Variants in IL22RA2 observed in about 807,000 individuals in gnomAD.
IL22RA2 encodes interleukin-22 receptor subunit alpha-2.
Under a neutral mutation model 30.7 loss-of-function variants are expected in IL22RA2, and 39 were observed. The ratio of observed to expected loss-of-function variants is 1.27; its 90% confidence interval spans 0.98 to 1.66. IL22RA2 has a LOEUF of 1.66. Among genes scored for constraint, IL22RA2 ranks in the 40% most tolerant of loss-of-function variants. The pLI, the probability that IL22RA2 is intolerant of heterozygous loss-of-function variation, is 0.00. For missense variants in IL22RA2, 315 were observed against 312.7 expected, an observed-to-expected ratio of 1.01 and a Z score of -0.05; for synonymous variants, 103 against 105.0, an observed-to-expected ratio of 0.98 and a Z score of 0.11.
Position 137,163,857 on chromosome 6 carries a change from G to A in IL22RA2, c.-65-2043C>T, listed in dbSNP as rs28385690. On this transcript the variant is annotated intron_variant, in intron 1 of 6. Coordinates refer to ENST00000296980, the MANE Select transcript of IL22RA2 (RefSeq NM_052962.3). ...AGATGGTCTCGGGAGAGACCAAGGCGGGGTTGATGTGGGGAGGCACAGATC... is the reference window on the plus strand; with the variant it reads ...AGATGGTCTCGGGAGAGACCAAGGCAGGGTTGATGTGGGGAGGCACAGATC... Among the ~76,000 whole-genome samples, 200 of 152,296 alleles carry A rather than the reference G, an allele frequency of 1.3e-3. 1 individual carries two copies. Among genetic ancestry groups the A allele is most frequent in the Middle Eastern group, 6.8e-3 (2 of 294 alleles).
intron 1 of IL22RA2, among the ~76,000 whole-genome samples, chr6:137,163,931 C>T (rs1169102446): frequency 6.6e-6 from 1 of 152,096 alleles, no homozygotes; most frequent in Non-Finnish European, 1.5e-5. Flanking sequence ...AAAACCAGAC[C>T]TAGGACACTG....
At chr6:137,146,907 G>C (rs2114345675) in intron 6 of IL22RA2, among the ~76,000 whole-genome samples, 1 of 152,074 alleles carries the variant, frequency 6.6e-6, no homozygotes, top group South Asian at 2.1e-4. Context: ...GAGGTGGGAG[G>C]ATCATTTGAG....
chr6:137,171,354 A>C lies in IL22RA2; in HGVS notation c.-66+2059T>G, dbSNP rs1778730884. The stretch of plus-strand genomic sequence containing the variant: ...TCTTCTCCTTCTTAAATGGGAGATG[A>C]AAAGTTTCAGAAGCCGGCTTGCAAA... On this transcript the variant is annotated intron_variant, in intron 1 of 6. Coordinates refer to ENST00000296980, the MANE Select transcript of IL22RA2 (RefSeq NM_052962.3). Among the ~76,000 whole-genome samples, 3 of 152,348 alleles carry C rather than the reference A, an allele frequency of 2.0e-5. No individual in the cohort carries two copies. The South Asian group carries it at 6.2e-4, about 32-fold the overall frequency.
chr6:137,161,638 T>G, intron 2 of IL22RA2, 51 bp downstream of exon 2: 1 of 1,468,312 alleles, frequency 6.8e-7, no homozygotes, highest in Non-Finnish European at 9.5e-7. Flanking sequence ...GATCCTTGAT[T>G]GGACTCAGAT....
chr6:137,155,162 C>T (rs1778377740), intron 4 of IL22RA2, 43 bp from the exon 5 acceptor site: 1 of 1,398,722 alleles, frequency 7.1e-7, no homozygotes, highest in Non-Finnish European at 9.6e-7. Context: ...CTTTTCTCCA[C>T]TCAAGGAGTC....
At chr6:137,170,504 C>T (rs372894192) in intron 1 of IL22RA2, among the ~76,000 whole-genome samples, 1 of 152,190 alleles carries the variant, frequency 6.6e-6, no homozygotes, top group African/African-American at 2.4e-5. Context: ...TAAGTTTAGG[C>T]TGCAAGACAT....
chr6:137,150,982 T>A (rs1026494578), intron 5 of IL22RA2, among the ~76,000 whole-genome samples: 3 of 152,124 alleles, frequency 2.0e-5, no homozygotes, highest in African/African-American at 4.8e-5. Flanking sequence ...TATGGATGGA[T>A]CCCTAAGTAC....
intron 6 of IL22RA2, among the ~76,000 whole-genome samples, chr6:137,147,373 TAATAAATA>T (rs10680789): frequency 0.012 from 1,697 of 145,880 alleles, 23 homozygotes; most frequent in African/African-American, 0.036. Flanking sequence ...ATAAAATACA[TAATAAATA>T]AATAAATAAA....
At chr6:137,147,351 C>T (rs1349763305) in intron 6 of IL22RA2, among the ~76,000 whole-genome samples, 1 of 150,148 alleles carries the variant, frequency 6.7e-6, no homozygotes, top group South Asian at 2.1e-4. Flanking sequence ...CAGAGTGACA[C>T]CTGGTCTAAA....
intron 1 of IL22RA2, among the ~76,000 whole-genome samples, chr6:137,167,827 G>T (rs893134361): frequency 2.6e-5 from 4 of 152,206 alleles, no homozygotes; most frequent in African/African-American, 7.2e-5. Context: ...GAGGCTGGTT[G>T]GTCCACGCAC....
intron 3 of IL22RA2, among the ~76,000 whole-genome samples, chr6:137,157,213 T>C (rs1778423886): frequency 6.6e-6 from 1 of 152,122 alleles, no homozygotes; most frequent in Non-Finnish European, 1.5e-5. Flanking sequence ...CTTCATTAGA[T>C]TCATGGTAAA....
chr6:137,147,688 A>G, intron 6 of IL22RA2, 34 bp downstream of exon 6: 1 of 1,447,124 alleles, frequency 6.9e-7, no homozygotes, highest in Non-Finnish European at 9.4e-7. Context: ...ACAAAAGAAA[A>G]AAACTCTAAA....
intron 2 of IL22RA2, among the ~76,000 whole-genome samples, chr6:137,159,612 T>C (rs9765914): frequency 0.11 from 16,618 of 152,186 alleles, 1,061 homozygotes; most frequent in African/African-American, 0.17. Context: ...CGTGAGCCAC[T>C]GCACCCGGCC....
At chr6:137,159,361 C>T (rs1778472510) in intron 2 of IL22RA2, among the ~76,000 whole-genome samples, 1 of 151,964 alleles carries the variant, frequency 6.6e-6, no homozygotes, top group Non-Finnish European at 1.5e-5. Context: ...ACTCTTGTCG[C>T]CCTGGCTGGA....
intron 1 of IL22RA2, 104 bp downstream of exon 1, chr6:137,173,309 T>A (rs1170617995): frequency 6.6e-6 from 1 of 152,130 alleles, no homozygotes; most frequent in East Asian, 1.9e-4. Flanking sequence ...GGAGGTGAGG[T>A]TTGCAGTGAG....
chr6:137,171,744 T>G (rs1176675133), intron 1 of IL22RA2, among the ~76,000 whole-genome samples: 2 of 152,236 alleles, frequency 1.3e-5, no homozygotes, highest in Non-Finnish European at 2.9e-5. Flanking sequence ...CAGATCCCAG[T>G]GGACCAGGCC....
At chr6:137,148,006 C>T (rs966648614) in intron 5 of IL22RA2, 115 bp from the exon 6 acceptor site, 25 of 922,668 alleles carry the variant, frequency 2.7e-5, no homozygotes, top group South Asian at 5.8e-5. Context: ...CCAGGGAGGC[C>T]GAGGCTGCAG....
chr6:137,172,871 TA>T (rs1375833458), intron 1 of IL22RA2, among the ~76,000 whole-genome samples: 2 of 152,230 alleles, frequency 1.3e-5, no homozygotes, highest in African/African-American at 4.8e-5. Context: ...TTATTATTTT[TA>T]TTTTTTTTTA....
intron 5 of IL22RA2, among the ~76,000 whole-genome samples, chr6:137,152,887 T>G (rs1382553131): frequency 4.6e-5 from 7 of 152,074 alleles, no homozygotes; most frequent in Non-Finnish European, 1.5e-5. Context: ...ACCTGCAGAG[T>G]GTCCAACTTT....
Sources: allele counts gnomAD v4.1 joint callset (sites outside exome capture counted in the v4.1 genomes callset), GRCh38; gene constraint gnomAD v4.1.1; transcripts MANE v1.5; gene names NCBI Gene and HGNC (gene_info 2026-07-23, HGNC 2026-07-21).